HERC4: variants seen among roughly 807,000 people sequenced by gnomAD.
HERC4 encodes the protein probable E3 ubiquitin-protein ligase HERC4.
Under a neutral mutation model 124.3 loss-of-function variants are expected in HERC4, and 28 were observed. The ratio of observed to expected loss-of-function variants is 0.23; its 90% CI spans 0.17 to 0.31. The LOEUF (loss-of-function observed/expected upper bound fraction) is 0.31. Ranked by LOEUF, HERC4 falls within the 10% of genes least tolerant of loss-of-function variation. The pLI, the probability that HERC4 is intolerant of heterozygous loss-of-function variation, is 1.00. For missense variants in HERC4, 713 were observed against 1,229.3 expected (o/e 0.58, Z 6.28); for synonymous variants, 407 against 421.5 (o/e 0.97, Z 0.42).
At chr10:68,010,293 C>T (rs979310031) in intron 9 of HERC4, 2 of 979,560 alleles carry the variant, frequency 2.0e-6, no homozygotes, top group Non-Finnish European at 3.1e-6. Flanking sequence ...GCAATGAGGG[C>T]TCCCATAGCC....
At chr10:67,973,691 G>C (rs926506369) in intron 15 of HERC4, among the ~76,000 whole-genome samples, 7 of 152,124 alleles carry the variant, frequency 4.6e-5, no homozygotes, top group Non-Finnish European at 8.8e-5. Flanking sequence ...GCAGCTAACG[G>C]ATATGGAAAA....
intron 15 of HERC4, among the ~76,000 whole-genome samples, chr10:67,967,723 T>C (rs185437445): frequency 3.3e-4 from 50 of 152,256 alleles, no homozygotes; most frequent in East Asian, 3.9e-4. Context: ...AAATGATCTA[T>C]GAAGTAAAAA....
intron 3 of HERC4, among the ~76,000 whole-genome samples, chr10:68,051,328 A>G (rs1554828188): frequency 2.6e-5 from 4 of 151,466 alleles, no homozygotes; most frequent in Non-Finnish European, 5.9e-5. Flanking sequence ...ACATATGGCA[A>G]AATGTTAACA....
At chr10:68,043,435 G>A (rs2039867370) in intron 4 of HERC4, among the ~76,000 whole-genome samples, 1 of 152,156 alleles carries the variant, frequency 6.6e-6, no homozygotes, top group African/African-American at 2.4e-5. Context: ...ATGAGTTAAT[G>A]TATTATTTAT....
rs180783393 is a variant in HERC4 at position 68,049,328 on chromosome 10, A to C, written c.227-4765T>G. The stretch of plus-strand genomic sequence containing the variant: ...TTTTTTGTGTAAGAGGAAGAAGAAA[A>C]CATATTCATATTTGCTAATATTTTA... On this transcript the variant is annotated intron_variant, in intron 3 of 24. Coordinates refer to ENST00000373700, the MANE Select transcript of HERC4 (RefSeq NM_015601.4). 2.0e-3 allele frequency among the ~76,000 whole-genome samples: 306 copies of C among 152,216 alleles called. 2 individuals carry two copies. The highest frequency in any genetic ancestry group is 7.0e-3 in the African/African-American group (292 of 41,544).
Position 68,072,873 on chromosome 10 carries a change from T to C in HERC4, c.226+10A>G. The C allele has an allele frequency of 6.5e-7, 1 of 1,532,734 alleles. No homozygotes were observed. The highest frequency in any genetic ancestry group is 8.8e-7 in the Non-Finnish European group (1 of 1,139,160). The allele number at this position is 1,532,734 out of a possible 1,614,324, so 94.9% of individuals were successfully genotyped here. ...TAAAAATAGCAAATTTTAAAAACAT[T>C]TCAACTTACCTGGTTTCTTTCTGGA... is the stretch of plus-strand genomic sequence containing the variant. On this transcript the variant is annotated intron_variant, in intron 3 of 24. Coordinates refer to ENST00000373700, the MANE Select transcript of HERC4 (RefSeq NM_015601.4).
At chr10:67,981,276 G>A (rs2035913670) in intron 15 of HERC4, among the ~76,000 whole-genome samples, 1 of 152,204 alleles carries the variant, frequency 6.6e-6, no homozygotes, top group Non-Finnish European at 1.5e-5. Flanking sequence ...AAAAGTGTAA[G>A]AAGAGACAAA....
chr10:67,961,515 C>T (rs191881866), intron 16 of HERC4: 19 of 152,280 alleles, frequency 1.2e-4, no homozygotes, highest in African/African-American at 4.6e-4. Context: ...CTGATTTTAA[C>T]CTATTATCCT....
chr10:68,030,598 C>T (rs540381136), intron 7 of HERC4, among the ~76,000 whole-genome samples: 14 of 152,290 alleles, frequency 9.2e-5, no homozygotes, highest in Non-Finnish European at 1.3e-4. Flanking sequence ...TTCTGTTTTA[C>T]ACTTCACTGT....
At chr10:67,947,749 T>A (rs1020728977) in intron 19 of HERC4, among the ~76,000 whole-genome samples, 2 of 151,510 alleles carry the variant, frequency 1.3e-5, no homozygotes, top group African/African-American at 4.9e-5. Context: ...TCATAAAAAA[T>A]TATCTTCTCA....
chr10:67,953,275 T>C (rs912186487), intron 19 of HERC4, among the ~76,000 whole-genome samples: 20 of 152,234 alleles, frequency 1.3e-4, no homozygotes, highest in African/African-American at 4.8e-4. Context: ...CACTTGGTGG[T>C]ATAACAATAG....
At chr10:67,999,507 A>T (rs1434878378) in intron 9 of HERC4, among the ~76,000 whole-genome samples, 1 of 152,222 alleles carries the variant, frequency 6.6e-6, no homozygotes, top group Non-Finnish European at 1.5e-5. Context: ...TACATCAAAG[A>T]AAAGACACTT....
intron 6 of HERC4, among the ~76,000 whole-genome samples, chr10:68,033,198 C>T (rs1322541170): frequency 6.6e-6 from 1 of 152,106 alleles, no homozygotes; most frequent in Non-Finnish European, 1.5e-5. Flanking sequence ...GATAGTTACA[C>T]CCACAGGAGC....
At chr10:67,967,914 G>GAA (rs11398946) in intron 15 of HERC4, among the ~76,000 whole-genome samples, 18 of 149,980 alleles carry the variant, frequency 1.2e-4, no homozygotes, top group South Asian at 2.1e-4. Context: ...AGCAGGGATT[G>GAA]AAAAAAAAAG....
intron 15 of HERC4, among the ~76,000 whole-genome samples, chr10:67,983,196 T>C (rs2036042506): frequency 6.6e-6 from 1 of 152,030 alleles, no homozygotes; most frequent in Non-Finnish European, 1.5e-5. Flanking sequence ...TTAAAATGGC[T>C]TTTATTCAAA....
intron 9 of HERC4, among the ~76,000 whole-genome samples, chr10:67,998,564 G>A (rs201508924): frequency 0.074 from 225 of 3,040 alleles, no homozygotes; most frequent in Middle Eastern, 0.5. Context: ...AAAAAAAAAA[G>A]GGGGGGGGGT....
chr10:67,924,575 G>A (rs993950107), intron 24 of HERC4, among the ~76,000 whole-genome samples: 2 of 152,134 alleles, frequency 1.3e-5, no homozygotes, highest in Non-Finnish European at 2.9e-5. Context: ...TCGTATATAT[G>A]GTCTGTCATT....
chr10:67,941,144 T>G lies in HERC4; in HGVS notation c.2338-39A>C, dbSNP rs549866321. 4.3e-5 allele frequency: 58 copies of G among 1,353,296 alleles called. No individual in the cohort carries two copies. The South Asian group carries it at 8.4e-4, about 20-fold the overall frequency. 83.8% of individuals were successfully genotyped at this position (1,353,296 alleles called of 1,614,324 possible). The stretch of plus-strand genomic sequence containing the variant: ...AAAAAGTAAACACATGTCCTCCAAG[T>G]TAAAATATTAAATTTTCTAAGATTA... On this transcript the variant is annotated intron_variant, in intron 19 of 24. Coordinates refer to ENST00000373700, the MANE Select transcript of HERC4 (RefSeq NM_015601.4).
At chr10:67,995,268 G>A in intron 9 of HERC4, 1 of 455,396 alleles carries the variant, frequency 2.2e-6, no homozygotes, top group South Asian at 1.6e-5. Flanking sequence ...TTTTTGTGGT[G>A]GTAGTAGGCA....
Sources: gnomAD v4.1 joint callset for allele counts (sites outside exome capture counted in the v4.1 genomes callset) on GRCh38, gnomAD v4.1.1 for gene constraint, MANE v1.5 for transcripts, NCBI Gene and HGNC (gene_info 2026-07-23, HGNC 2026-07-21) for gene names.